SRSF12: variants seen among roughly 807,000 people sequenced by gnomAD.
SRSF12 encodes the protein serine and arginine rich splicing factor 12.
A neutral mutation model predicts 34.1 loss-of-function variants in SRSF12; 21 were observed. The observed-to-expected ratio is 0.62, with a 90% confidence interval of 0.44 to 0.89. SRSF12 has a LOEUF of 0.89. Ranked by LOEUF, SRSF12 falls within the 40% of genes least tolerant of loss-of-function variation. The probability of loss-of-function intolerance (pLI) is 0.00; values close to 1 mark genes in which losing one functional copy is unlikely to be tolerated. For missense variants in SRSF12, 278 were observed against 327.8 expected, an observed-to-expected ratio of 0.85 and a Z score of 1.17; for synonymous variants, 111 against 110.8, an observed-to-expected ratio of 1.00 and a Z score of -0.01.
intron 2 of SRSF12, chr6:89,106,723 G>C (rs1158428489): frequency 2.4e-5 from 7 of 292,236 alleles, no homozygotes; most frequent in Non-Finnish European, 4.1e-5. Flanking sequence ...TACTCTTTAA[G>C]GCTTGCAAGA....
At chr6:89,116,462 T>C (rs1769297538) in intron 1 of SRSF12, among the ~76,000 whole-genome samples, 1 of 152,208 alleles carries the variant, frequency 6.6e-6, no homozygotes, top group South Asian at 2.1e-4. Flanking sequence ...TTGTGATACA[T>C]GTACTTGCGG....
chr6:89,103,821 AAAAT>A (rs1345574854), intron 4 of SRSF12, among the ~76,000 whole-genome samples: 1 of 152,326 alleles, frequency 6.6e-6, no homozygotes, highest in East Asian at 1.9e-4. Flanking sequence ...CCTGGCTAGC[AAAAT>A]AAATAACTTG....
chr6:89,099,227 G>A (rs1468252969), intron 4 of SRSF12, among the ~76,000 whole-genome samples: 1 of 151,636 alleles, frequency 6.6e-6, no homozygotes, highest in Non-Finnish European at 1.5e-5. Flanking sequence ...GAGTTATACA[G>A]CTCTTAAGAG....
At chr6:89,107,635 G>A (rs1562202109) in intron 1 of SRSF12, among the ~76,000 whole-genome samples, 1 of 152,132 alleles carries the variant, frequency 6.6e-6, no homozygotes, top group Non-Finnish European at 1.5e-5. Context: ...GGAGGCTGAG[G>A]CGGGAGAATC....
In SRSF12 at chr6:89,096,200, C is replaced by G. The variant is rs1422384545; in HGVS notation, c.*2378G>C. On this transcript the variant is annotated 3_prime_UTR_variant, in exon 5 of 5. Transcript: ENST00000452027. ...AAACATGATTTTAATAAAGCATATACCTGTCAAAGACTTCTCTTTGCAAAA... is the reference window on the plus strand; with the variant it reads ...AAACATGATTTTAATAAAGCATATAGCTGTCAAAGACTTCTCTTTGCAAAA... 1 of 152,148 alleles carries G rather than the reference C, an allele frequency of 6.6e-6. No homozygotes were observed. The highest frequency in any genetic ancestry group is 1.5e-5 in the Non-Finnish European group (1 of 68,040). The allele number at this position is 152,148 out of a possible 1,614,324, so 9.4% of individuals were successfully genotyped here.
chr6:89,102,175 G>A (rs558717798), intron 4 of SRSF12, among the ~76,000 whole-genome samples: 14 of 152,044 alleles, frequency 9.2e-5, no homozygotes, highest in Non-Finnish European at 1.8e-4. Context: ...ACAGAGTCTT[G>A]CTCTGTCACT....
intron 1 of SRSF12, among the ~76,000 whole-genome samples, chr6:89,112,769 C>T (rs1042457738): frequency 2.6e-5 from 4 of 152,106 alleles, no homozygotes; most frequent in African/African-American, 9.7e-5. Flanking sequence ...TATAGTTATG[C>T]ACCACATAAC....
At chr6:89,110,614 G>A (rs1474622594) in intron 1 of SRSF12, among the ~76,000 whole-genome samples, 3 of 152,128 alleles carry the variant, frequency 2.0e-5, no homozygotes, top group African/African-American at 7.2e-5. Flanking sequence ...TTTGTTACTT[G>A]GGTGTAGAGA....
intron 4 of SRSF12, among the ~76,000 whole-genome samples, chr6:89,103,381 A>T (rs953580342): frequency 6.7e-6 from 1 of 149,506 alleles, no homozygotes; most frequent in Admixed American, 6.7e-5. Context: ...CAGGCTGGAG[A>T]GCAGTGGCGT....
At chr6:89,115,733 T>C (rs1012494062) in intron 1 of SRSF12, among the ~76,000 whole-genome samples, 3 of 149,788 alleles carry the variant, frequency 2.0e-5, no homozygotes, top group African/African-American at 7.4e-5. Context: ...GCCTCCCGGG[T>C]TCACACCATT....
At chr6:89,115,925 G>A (rs1228774107) in intron 1 of SRSF12, among the ~76,000 whole-genome samples, 10 of 152,218 alleles carry the variant, frequency 6.6e-5, no homozygotes, top group Non-Finnish European at 1.5e-4. Context: ...ATGAGCCACC[G>A]CACCCGGCCA....
intron 4 of SRSF12, among the ~76,000 whole-genome samples, chr6:89,104,669 A>T (rs1768703884): frequency 6.6e-6 from 1 of 152,192 alleles, no homozygotes; most frequent in African/African-American, 2.4e-5. Flanking sequence ...AATATATGAT[A>T]AATAGAGAAG....
intron 1 of SRSF12, among the ~76,000 whole-genome samples, chr6:89,112,392 A>C (rs973973707): frequency 7.9e-5 from 12 of 152,058 alleles, no homozygotes; most frequent in Non-Finnish European, 1.8e-4. Flanking sequence ...AGGAAGAAGA[A>C]AAGTAAGTCC....
rs149098422 is a variant in SRSF12 at position 89,114,689 on chromosome 6, A to G, written c.65+3134T>C. ...AATCACTCACTGGTGAATGAAGTAC[A>G]TAGATCAGAGATCAGGTGTCACCTG... On this transcript the variant is annotated intron_variant, in intron 1 of 4. Transcript: ENST00000452027. 4.1e-4 allele frequency among the ~76,000 whole-genome samples: 62 copies of G among 152,364 alleles called. 1 individual carries two copies. The East Asian group carries it at 0.012, about 29-fold the overall frequency.
In SRSF12 at chr6:89,097,447, A is replaced by G. The variant is rs1408266454; in HGVS notation, c.*1131T>C. 1 of 152,208 alleles carries G rather than the reference A, an allele frequency of 6.6e-6. No individual in the cohort carries two copies. The highest frequency in any genetic ancestry group is 1.9e-4 in the East Asian group (1 of 5,208). 9.4% of individuals were successfully genotyped at this position (152,208 alleles called of 1,614,324 possible). On this transcript the variant is annotated 3_prime_UTR_variant, in exon 5 of 5. Transcript: ENST00000452027. ...TAAAGTTATTTGGCTGTCAGAAATGAAGGGCAGTATAATGTAAAATTCAAA... is the reference window on the plus strand; with the variant it reads ...TAAAGTTATTTGGCTGTCAGAAATGGAGGGCAGTATAATGTAAAATTCAAA...
chr6:89,098,969 G>T, intron 4 of SRSF12, 22 bp from the exon 5 acceptor site: 1 of 1,587,010 alleles, frequency 6.3e-7, no homozygotes, highest in South Asian at 1.1e-5. Context: ...CATAATGTTA[G>T]AGCATATATT....
chr6:89,102,007 G>C (rs1245518817), intron 4 of SRSF12, among the ~76,000 whole-genome samples: 3 of 150,468 alleles, frequency 2.0e-5, no homozygotes, highest in Non-Finnish European at 3.0e-5. Context: ...TGAGCTGAAA[G>C]AGGAAAAAAA....
intron 1 of SRSF12, among the ~76,000 whole-genome samples, chr6:89,115,937 G>A (rs6904340): frequency 0.65 from 99,307 of 151,896 alleles, 33,216 homozygotes; most frequent in East Asian, 0.78. Flanking sequence ...ACCCGGCCAC[G>A]AATGGGATTT....
intron 4 of SRSF12, among the ~76,000 whole-genome samples, chr6:89,101,144 AAAAGATCATTAG>A (rs1768523945): frequency 6.6e-6 from 1 of 151,956 alleles, no homozygotes; most frequent in African/African-American, 2.4e-5. Context: ...ATAGTTAACT[AAAAGATCATTAG>A]AAAAACATCC....
Sources: allele counts gnomAD v4.1 joint callset (sites outside exome capture counted in the v4.1 genomes callset), GRCh38; gene constraint gnomAD v4.1.1; transcripts MANE v1.5; gene names NCBI Gene and HGNC (gene_info 2026-07-23, HGNC 2026-07-21).